The following PDE7A variants were observed in gnomAD, a reference collection of about 807,000 sequenced individuals.
The protein encoded by PDE7A is phosphodiesterase 7A, also known as high affinity 3',5'-cyclic-AMP phosphodiesterase 7A.
In PDE7A, 39 loss-of-function variants were observed where a neutral mutation model predicts 64.3. That is an observed-to-expected ratio of 0.61 (90% CI 0.47 to 0.79). PDE7A has a LOEUF of 0.79. PDE7A is among the 30% of genes least tolerant of loss of function. The pLI, the probability that PDE7A is intolerant of heterozygous loss-of-function variation, is 0.00. For synonymous variants in PDE7A, 203 were observed against 206.8 expected (o/e 0.98, Z 0.16); for missense variants, 470 against 582.8 (o/e 0.81, Z 1.99).
Position 65,822,573 on chromosome 8 carries a change from A to C in PDE7A, c.138+18798T>G, listed in dbSNP as rs754672764. 4.5e-4 allele frequency among the ~76,000 whole-genome samples: 69 copies of C among 152,372 alleles called. 2 individuals carry two copies. In the Middle Eastern group the frequency reaches 0.014, roughly 30 times the overall value. Reference sequence around the variant, plus strand: ...CAGTATCCACTCTTAAGAAGCACATATTCTAACCAAACATACTGAAGTCGG... The same window carrying C: ...CAGTATCCACTCTTAAGAAGCACATCTTCTAACCAAACATACTGAAGTCGG... On this transcript the variant is annotated intron_variant, in intron 1 of 12. Transcript: ENST00000401827.
chr8:65,799,956 A>C (rs1403550301), intron 1 of PDE7A, among the ~76,000 whole-genome samples: 1 of 152,224 alleles, frequency 6.6e-6, no homozygotes, highest in Admixed American at 6.5e-5. Flanking sequence ...TTAGGGACTC[A>C]CAAAGGAAAA....
intron 3 of PDE7A, among the ~76,000 whole-genome samples, chr8:65,766,191 C>G (rs1044848601): frequency 6.6e-6 from 1 of 152,218 alleles, no homozygotes; most frequent in Non-Finnish European, 1.5e-5. Flanking sequence ...GGTGATCCAC[C>G]CGCCTTGGCC....
intron 3 of PDE7A, among the ~76,000 whole-genome samples, chr8:65,764,182 C>T (rs1258023669): frequency 1.3e-5 from 2 of 152,056 alleles, no homozygotes; most frequent in Non-Finnish European, 2.9e-5. Flanking sequence ...ATAGAAAAGA[C>T]AGGAAAAAGG....
At chr8:65,787,446 T>C (rs775151120) in intron 1 of PDE7A, among the ~76,000 whole-genome samples, 4 of 152,200 alleles carry the variant, frequency 2.6e-5, no homozygotes, top group African/African-American at 4.8e-5. Flanking sequence ...TCCTCTGACA[T>C]AGCAAAATGA....
intron 3 of PDE7A, among the ~76,000 whole-genome samples, chr8:65,749,116 C>T (rs912352850): frequency 1.3e-5 from 2 of 152,150 alleles, no homozygotes; most frequent in Non-Finnish European, 2.9e-5. Flanking sequence ...GCGGGAAGCA[C>T]CCGCTCTGGC....
chr8:65,837,263 T>C (rs1390550963), intron 1 of PDE7A, among the ~76,000 whole-genome samples: 1 of 152,190 alleles, frequency 6.6e-6, no homozygotes, highest in African/African-American at 2.4e-5. Flanking sequence ...CGGTTGTGTA[T>C]AAGGAAGGGT....
rs118069601 is a variant in PDE7A at position 65,757,578 on chromosome 8, T to C, written c.284-9775A>G. On this transcript the variant is annotated intron_variant, in intron 3 of 12. Transcript: ENST00000401827. ...GGAATAATTGAGCTAAGAGATAATG[T>C]TGTCTCTTGCTCCAAGACTTTGTTT... Among the ~76,000 whole-genome samples the C allele has an allele frequency of 5.4e-4, 83 of 152,310 alleles. 5 individuals carry two copies. The East Asian group carries it at 0.016, about 29-fold the overall frequency.
intron 3 of PDE7A, among the ~76,000 whole-genome samples, chr8:65,769,957 ATTT>A (rs112014676): frequency 0.024 from 3,603 of 152,290 alleles, 66 homozygotes; most frequent in African/African-American, 0.055. Flanking sequence ...TAAACCCGTG[ATTT>A]TTAATTAGGT....
At chr8:65,722,883 A>G (rs35042734) in intron 12 of PDE7A, 6,631 of 152,318 alleles carry the variant, frequency 0.044, 230 homozygotes, top group Non-Finnish European at 0.067. Context: ...AGAAGGTGAC[A>G]TTTGAGCTGC....
chr8:65,746,478 T>A (rs761622342), intron 4 of PDE7A, among the ~76,000 whole-genome samples: 5 of 152,316 alleles, frequency 3.3e-5, no homozygotes, highest in Middle Eastern at 3.4e-3. Context: ...CACAATTTAC[T>A]ACATTAACTT....
intron 6 of PDE7A, 84 bp from the exon 7 acceptor site, chr8:65,734,978 A>G (rs1807063483): frequency 9.4e-6 from 8 of 850,952 alleles, no homozygotes; most frequent in Middle Eastern, 2.2e-4. Context: ...TGAGTTACCC[A>G]CTCATACTTT....
rs796342617 is a variant in PDE7A, at chr8:65,804,195, T to A, written c.139-21352A>T. ...TATTTTGTATTACAAAGACAGAATA[T>A]CATTTTTAAAGTCTCTCTCATGGCA... On this transcript the variant is annotated intron_variant, in intron 1 of 12. Transcript: ENST00000401827. 3.9e-5 allele frequency among the ~76,000 whole-genome samples: 6 copies of A among 152,292 alleles called. 1 individual carries two copies. The highest frequency in any genetic ancestry group is 1.4e-4 in the African/African-American group (6 of 41,562).
rs1337181693 is a variant in PDE7A at position 65,716,374 on chromosome 8, G to A, written c.*2916C>T. On this transcript the variant is annotated 3_prime_UTR_variant, in exon 13 of 13. Transcript: ENST00000401827. ...TACAGGCAGAATGGAGCCCAGGTAA[G>A]CTCAACTGAAACAAGGCTTGAGGTA... Among the ~76,000 whole-genome samples, 1 of 152,124 alleles carries A rather than the reference G, an allele frequency of 6.6e-6. No individual in the cohort carries two copies. Among genetic ancestry groups the A allele is most frequent in the Non-Finnish European group, 1.5e-5 (1 of 68,018 alleles).
intron 6 of PDE7A, 49 bp downstream of exon 6, chr8:65,739,453 C>T (rs1220489333): frequency 2.7e-6 from 4 of 1,500,600 alleles, no homozygotes; most frequent in Non-Finnish European, 3.5e-6. Context: ...TAAACAGGTT[C>T]TTGTATAAAT....
intron 6 of PDE7A, 22 bp from the exon 7 acceptor site, chr8:65,734,916 C>T (rs368148292): frequency 9.6e-6 from 14 of 1,455,662 alleles, no homozygotes; most frequent in South Asian, 1.1e-5. Flanking sequence ...AAAGAGATCC[C>T]GATTTTATTG....
rs547358843 is a variant in PDE7A, at chr8:65,839,236, G to GT, written c.138+2134dup. Among the ~76,000 whole-genome samples, 357 of 151,518 alleles carry GT rather than the reference G, an allele frequency of 2.4e-3. 1 individual carries two copies. Among genetic ancestry groups the GT allele is most frequent in the African/African-American group, 7.1e-3 (294 of 41,244 alleles). On this transcript the variant is annotated intron_variant, in intron 1 of 12. Transcript: ENST00000401827. ...ATGTCTTTTTTTTAAAAAAAAAAGG[G>GT]TTTTTTTTCCTAAGTATCTTAAAAT... is the stretch of plus-strand genomic sequence containing the variant.
chr8:65,787,646 A>C (rs1809596539), intron 1 of PDE7A, among the ~76,000 whole-genome samples: 1 of 152,052 alleles, frequency 6.6e-6, no homozygotes. Flanking sequence ...TTTTGGTGGC[A>C]ATTAAAAGAG....
intron 3 of PDE7A, among the ~76,000 whole-genome samples, chr8:65,767,524 T>A (rs549027674): frequency 2.6e-4 from 39 of 152,360 alleles, no homozygotes; most frequent in Non-Finnish European, 4.6e-4. Flanking sequence ...AATATTCTCC[T>A]ATCCTCCTTT....
chr8:65,792,185 A>G (rs1310821297), intron 1 of PDE7A, among the ~76,000 whole-genome samples: 1 of 152,242 alleles, frequency 6.6e-6, no homozygotes, highest in African/African-American at 2.4e-5. Flanking sequence ...GAAACATGGC[A>G]AAGTAATAAA....
Sources: allele counts gnomAD v4.1 joint callset (sites outside exome capture counted in the v4.1 genomes callset), GRCh38; gene constraint gnomAD v4.1.1; transcripts MANE v1.5; gene names NCBI Gene and HGNC (gene_info 2026-07-23, HGNC 2026-07-21).